ADK: variants seen among roughly 807,000 people sequenced by gnomAD.
ADK encodes the protein adenosine kinase.
ADK carries 24 observed loss-of-function variants against 44.7 expected under a neutral mutation model. The ratio of observed to expected loss-of-function variants is 0.54; its 90% CI spans 0.39 to 0.76. The LOEUF (loss-of-function observed/expected upper bound fraction) is 0.76, where lower values mean the gene tolerates loss of function less well. Ranked by LOEUF, ADK falls within the 30% of genes least tolerant of loss-of-function variation. The pLI, the probability that ADK is intolerant of heterozygous loss-of-function variation, is 0.00. For missense variants in ADK, 321 were observed against 425.1 expected, an observed-to-expected ratio of 0.76 and a Z score of 2.15; for synonymous variants, 128 against 142.6, an observed-to-expected ratio of 0.90 and a Z score of 0.73.
chr10:74,177,863 AC>A (rs1008020299), intron 1 of ADK, among the ~76,000 whole-genome samples: 2 of 150,872 alleles, frequency 1.3e-5, no homozygotes, highest in African/African-American at 4.9e-5. Flanking sequence ...TGGGAACCTA[AC>A]CCTCAGTAAG....
chr10:74,219,833 C>T (rs1025095197), intron 2 of ADK, among the ~76,000 whole-genome samples: 2 of 151,342 alleles, frequency 1.3e-5, no homozygotes, highest in African/African-American at 4.9e-5. Flanking sequence ...AGAACAAAGA[C>T]ACAACATACC....
chr10:74,672,734 T>G (rs1256978903), intron 10 of ADK, among the ~76,000 whole-genome samples: 1 of 152,194 alleles, frequency 6.6e-6, no homozygotes, highest in Non-Finnish European at 1.5e-5. Context: ...TAGATAACTT[T>G]TATACAGTAC....
intron 4 of ADK, among the ~76,000 whole-genome samples, chr10:74,376,028 C>T (rs1423466652): frequency 4.0e-5 from 6 of 151,254 alleles, no homozygotes; most frequent in Non-Finnish European, 7.4e-5. Flanking sequence ...CCCTCATTTC[C>T]GTCTAAAAAA....
chr10:74,605,486 C>T, intron 9 of ADK, among the ~76,000 whole-genome samples: 1 of 152,178 alleles, frequency 6.6e-6, no homozygotes, highest in East Asian at 1.9e-4. Flanking sequence ...GCCTTTTCTG[C>T]ATCTATTGAG....
intron 9 of ADK, among the ~76,000 whole-genome samples, chr10:74,654,602 G>A (rs533407060): frequency 2.2e-4 from 34 of 152,298 alleles, no homozygotes; most frequent in African/African-American, 8.2e-4. Flanking sequence ...CTTCAGTTCA[G>A]GAGTTCGAGG....
chr10:74,472,771 C>T (rs1053513936), intron 6 of ADK, among the ~76,000 whole-genome samples: 5 of 152,104 alleles, frequency 3.3e-5, no homozygotes, highest in Non-Finnish European at 5.9e-5. Context: ...GGAACATTTC[C>T]ATCATCGCAG....
chr10:74,186,217 T>C lies in ADK; in HGVS notation c.66-14547T>C, dbSNP rs149186325. 9.9e-3 allele frequency among the ~76,000 whole-genome samples: 545 copies of C among 55,002 alleles called. 4 individuals carry two copies. The highest frequency in any genetic ancestry group is 0.066 in the Middle Eastern group (7 of 106). The allele number at this position is 55,002 out of a possible 152,430, so 36.1% of individuals were successfully genotyped here. Reference sequence around the variant, plus strand: ...CTTCCCTTCCCTTCCCTTCCCTTCCTTTCCCTTCCCCTCCTTTCCCTTCCC... The same window carrying C: ...CTTCCCTTCCCTTCCCTTCCCTTCCCTTCCCTTCCCCTCCTTTCCCTTCCC... On this transcript the variant is annotated intron_variant, in intron 1 of 10. Transcript: ENST00000539909.
chr10:74,300,415 C>G (rs1839990942), intron 3 of ADK, among the ~76,000 whole-genome samples: 1 of 151,308 alleles, frequency 6.6e-6, no homozygotes, highest in Non-Finnish European at 1.5e-5. Flanking sequence ...TTCACTCTGT[C>G]ACGCAGGCTG....
chr10:74,628,562 C>G (rs1250429150), intron 9 of ADK, among the ~76,000 whole-genome samples: 1 of 151,702 alleles, frequency 6.6e-6, no homozygotes, highest in Non-Finnish European at 1.5e-5. Flanking sequence ...GCTGGCTCCA[C>G]TTTACTGACT....
intron 6 of ADK, among the ~76,000 whole-genome samples, chr10:74,428,395 GTTGT>G: frequency 6.6e-6 from 1 of 152,306 alleles, no homozygotes; most frequent in South Asian, 2.1e-4. Flanking sequence ...AGTAAGATAA[GTTGT>G]TTGTTAAGTA....
intron 4 of ADK, among the ~76,000 whole-genome samples, chr10:74,353,272 C>G (rs1300947918): frequency 6.6e-6 from 1 of 152,056 alleles, no homozygotes; most frequent in Non-Finnish European, 1.5e-5. Flanking sequence ...CATGATGAAG[C>G]TGGAAACCAT....
intron 6 of ADK, among the ~76,000 whole-genome samples, chr10:74,477,653 CT>C (rs1180088990): frequency 3.3e-5 from 5 of 152,168 alleles, no homozygotes; most frequent in African/African-American, 1.2e-4. Flanking sequence ...TCCTTGACCC[CT>C]GGCTATAAAA....
intron 9 of ADK, among the ~76,000 whole-genome samples, chr10:74,649,909 C>T (rs1384237282): frequency 3.3e-5 from 5 of 152,148 alleles, no homozygotes; most frequent in Non-Finnish European, 7.4e-5. Flanking sequence ...TTTCTGTCTC[C>T]ATCCCTTCAA....
At chr10:74,517,595 G>T (rs1848642322) in intron 6 of ADK, among the ~76,000 whole-genome samples, 1 of 151,722 alleles carries the variant, frequency 6.6e-6, no homozygotes, top group Non-Finnish European at 1.5e-5. Flanking sequence ...AGGCAGAGGT[G>T]GGAGGATCAC....
chr10:74,427,748 T>C (rs1009060077), intron 6 of ADK, among the ~76,000 whole-genome samples: 2 of 152,044 alleles, frequency 1.3e-5, no homozygotes, highest in African/African-American at 4.8e-5. Flanking sequence ...TGTGTGTGTG[T>C]GTGTGTGTGA....
chr10:74,319,033 G>A (rs527408716), intron 4 of ADK, among the ~76,000 whole-genome samples: 1 of 152,218 alleles, frequency 6.6e-6, no homozygotes, highest in African/African-American at 2.4e-5. Flanking sequence ...AAGAAGGATT[G>A]ACCTAATGGC....
At chr10:74,229,293 G>A (rs1844658694) in intron 3 of ADK, among the ~76,000 whole-genome samples, 1 of 151,496 alleles carries the variant, frequency 6.6e-6, no homozygotes, top group South Asian at 2.1e-4. Context: ...ATTTCTTAGT[G>A]AATAGGTCAA....
chr10:74,286,813 C>G (rs1447945264), intron 3 of ADK, among the ~76,000 whole-genome samples: 4 of 152,154 alleles, frequency 2.6e-5, no homozygotes, highest in Non-Finnish European at 5.9e-5. Flanking sequence ...ACTTAATGCT[C>G]ACAAGAATAC....
At chr10:74,493,501 GAT>G (rs1021933523) in intron 6 of ADK, among the ~76,000 whole-genome samples, 1 of 150,814 alleles carries the variant, frequency 6.6e-6, no homozygotes, top group East Asian at 2.0e-4. Context: ...TATAGAGAGA[GAT>G]ATAGATATAT....
Sources: gnomAD v4.1 joint callset for allele counts (sites outside exome capture counted in the v4.1 genomes callset) on GRCh38, gnomAD v4.1.1 for gene constraint, MANE v1.5 for transcripts, NCBI Gene and HGNC (gene_info 2026-07-23, HGNC 2026-07-21) for gene names.